The following SLC25A13 variants were observed in gnomAD, a reference collection of about 807,000 sequenced individuals.
SLC25A13 encodes the protein solute carrier family 25 member 13.
In SLC25A13, 70 loss-of-function variants were observed where a neutral mutation model predicts 85.5. The ratio of observed to expected loss-of-function variants is 0.82; its 90% CI spans 0.68 to 1.00. The LOEUF is 1.00. SLC25A13 is among the 50% of genes least tolerant of loss of function. The pLI, the probability that SLC25A13 is intolerant of heterozygous loss-of-function variation, is 0.00. For missense variants in SLC25A13, 765 were observed against 819.8 expected, an observed-to-expected ratio of 0.93 and a Z score of 0.82; for synonymous variants, 259 against 288.7, an observed-to-expected ratio of 0.90 and a Z score of 1.04.
At chr7:96,229,215 G>A (rs1796436220) in intron 4 of SLC25A13, among the ~76,000 whole-genome samples, 1 of 152,206 alleles carries the variant, frequency 6.6e-6, no homozygotes, top group African/African-American at 2.4e-5. Context: ...TCTAGCAGGA[G>A]GATTGTATAT....
At chr7:96,294,619 A>G (rs1038388342) in intron 2 of SLC25A13, among the ~76,000 whole-genome samples, 15 of 151,314 alleles carry the variant, frequency 9.9e-5, no homozygotes, top group Admixed American at 9.9e-4. Context: ...AGAAAAAAAA[A>G]AAAAGAAAAA....
At chr7:96,188,883 G>A (rs530735604) in intron 9 of SLC25A13, among the ~76,000 whole-genome samples, 8 of 152,288 alleles carry the variant, frequency 5.3e-5, no homozygotes, top group African/African-American at 1.2e-4. Flanking sequence ...GCAGTTAGAC[G>A]ATGCGCTGAT....
intron 5 of SLC25A13, among the ~76,000 whole-genome samples, chr7:96,203,172 G>A (rs1341391639): frequency 1.3e-5 from 2 of 152,114 alleles, no homozygotes; most frequent in African/African-American, 4.8e-5. Context: ...ATAAAGAGCC[G>A]TTTACCTTTA....
intron 11 of SLC25A13, among the ~76,000 whole-genome samples, chr7:96,179,667 T>C (rs1207383113): frequency 6.6e-6 from 1 of 152,210 alleles, no homozygotes; most frequent in African/African-American, 2.4e-5. Context: ...ATGCTCTAAA[T>C]GAAAACGTGC....
At chr7:96,138,125 A>G (rs1352753335) in intron 14 of SLC25A13, among the ~76,000 whole-genome samples, 7 of 152,062 alleles carry the variant, frequency 4.6e-5, no homozygotes, top group Non-Finnish European at 1.0e-4. Context: ...CTTAAAAGCA[A>G]TTTTTACAGG....
At chr7:96,244,106 A>G (rs1241625632) in intron 3 of SLC25A13, among the ~76,000 whole-genome samples, 8 of 152,260 alleles carry the variant, frequency 5.3e-5, no homozygotes, top group African/African-American at 1.9e-4. Context: ...CATTTTCTAA[A>G]CAGCTGTTAA....
rs563945686 is a variant in SLC25A13, at chr7:96,159,546, C to T, written c.1311+10499G>A. Among the ~76,000 whole-genome samples the T allele has an allele frequency of 2.6e-5, 4 of 152,280 alleles. No individual in the cohort carries two copies. The East Asian group carries it at 7.7e-4, about 29-fold the overall frequency. ...TCAGAAGAAACCAAAACTGCCAACA[C>T]CTTAACCTCGGACTTCCAGTCTCTG... On this transcript the variant is annotated intron_variant, in intron 13 of 17. Transcript: ENST00000265631.
chr7:96,301,958 T>G (rs934379152), intron 1 of SLC25A13, among the ~76,000 whole-genome samples: 1 of 152,130 alleles, frequency 6.6e-6, no homozygotes, highest in South Asian at 2.1e-4. Context: ...ACAGAAAAAC[T>G]CTATGCATAG....
chr7:96,142,248 G>A (rs577616644), intron 14 of SLC25A13, among the ~76,000 whole-genome samples: 330 of 152,232 alleles, frequency 2.2e-3, no homozygotes, highest in Non-Finnish European at 2.8e-3. Context: ...GTACCTGAAA[G>A]GAAGCTTTTC....
chr7:96,155,265 C>G (rs1793215940), intron 13 of SLC25A13, among the ~76,000 whole-genome samples: 1 of 152,160 alleles, frequency 6.6e-6, no homozygotes, highest in Admixed American at 6.5e-5. Context: ...TATGAGACTT[C>G]TCTCTTACCA....
Position 96,171,542 on chromosome 7 carries a change from G to T in SLC25A13, c.1178-18C>A. 1 of 1,602,072 alleles carries T rather than the reference G, an allele frequency of 6.2e-7. No individual in the cohort carries two copies. ...CAACAGACCTAAAAATCAACAAAAA[G>T]TAGAAGTATATTAAATAAATTAGCA... On this transcript the variant is annotated intron_variant, in intron 11 of 17. Coordinates refer to ENST00000265631, the MANE Select transcript of SLC25A13 (RefSeq NM_014251.3).
At chr7:96,226,739 A>T (rs1796341442) in intron 4 of SLC25A13, among the ~76,000 whole-genome samples, 6 of 152,230 alleles carry the variant, frequency 3.9e-5, no homozygotes, top group Admixed American at 3.3e-4. Context: ...CTTAAATTTC[A>T]AAAACAAATT....
intron 1 of SLC25A13, among the ~76,000 whole-genome samples, chr7:96,313,892 T>A (rs1800037744): frequency 6.6e-6 from 1 of 152,224 alleles, no homozygotes; most frequent in Non-Finnish European, 1.5e-5. Flanking sequence ...GCAGCATTAG[T>A]GCTGGACCTA....
At chr7:96,122,057 T>C in intron 15 of SLC25A13, 60 bp from the exon 16 acceptor site, 1 of 1,605,568 alleles carries the variant, frequency 6.2e-7, no homozygotes, top group Non-Finnish European at 8.5e-7. Context: ...TAAAAATAAC[T>C]GTGCTTTGAA....
In SLC25A13 at chr7:96,120,611, C is replaced by A; in HGVS notation, c.*580G>T. The A allele has an allele frequency of 6.6e-6, 3 of 454,468 alleles. 1 individual carries two copies. The highest frequency in any genetic ancestry group is 4.7e-5 in the South Asian group (3 of 64,458). The allele number at this position is 454,468 out of a possible 1,614,324, so 28.2% of individuals were successfully genotyped here. The stretch of plus-strand genomic sequence containing the variant: ...CTTGGTACCAGTAACAATATGATTA[C>A]TAAACATCTCCAATGTGGTTTTCAT... On this transcript the variant is annotated 3_prime_UTR_variant, in exon 18 of 18. Transcript: ENST00000265631.
At chr7:96,155,821 A>G (rs1324611993) in intron 13 of SLC25A13, among the ~76,000 whole-genome samples, 1 of 152,152 alleles carries the variant, frequency 6.6e-6, no homozygotes. Context: ...CATCTCCTTC[A>G]ATCCCCCAAT....
chr7:96,235,700 G>A (rs1229543293), intron 3 of SLC25A13, among the ~76,000 whole-genome samples: 1 of 152,152 alleles, frequency 6.6e-6, no homozygotes, highest in Non-Finnish European at 1.5e-5. Flanking sequence ...GGACAGTGGA[G>A]TGCATAAAAG....
intron 1 of SLC25A13, among the ~76,000 whole-genome samples, chr7:96,318,964 G>C (rs1800227750): frequency 6.6e-6 from 1 of 152,172 alleles, no homozygotes; most frequent in Admixed American, 6.5e-5. Flanking sequence ...TCTGTGTTCA[G>C]CTGGCAACAT....
At chr7:96,174,752 G>C (rs1562816030) in intron 11 of SLC25A13, among the ~76,000 whole-genome samples, 1 of 152,144 alleles carries the variant, frequency 6.6e-6, no homozygotes, top group Non-Finnish European at 1.5e-5. Flanking sequence ...TGACTACTGT[G>C]TTAGATACAA....
Sources: gnomAD v4.1 joint callset for allele counts (sites outside exome capture counted in the v4.1 genomes callset) on GRCh38, gnomAD v4.1.1 for gene constraint, MANE v1.5 for transcripts, NCBI Gene and HGNC (gene_info 2026-07-23, HGNC 2026-07-21) for gene names.